Variants in KCNK2 observed in about 807,000 individuals in gnomAD.
The protein encoded by KCNK2 is potassium channel subfamily K member 2.
KCNK2 carries 21 observed loss-of-function variants against 40.5 expected under a neutral mutation model. The ratio of observed to expected loss-of-function variants is 0.52; its 90% CI spans 0.37 to 0.75. KCNK2 has a LOEUF of 0.75. Ranked by LOEUF, KCNK2 falls within the 30% of genes least tolerant of loss-of-function variation. KCNK2 has a pLI of 0.00. For missense variants in KCNK2, 399 were observed against 531.6 expected, an observed-to-expected ratio of 0.75 and a Z score of 2.45; for synonymous variants, 191 against 202.2, an observed-to-expected ratio of 0.94 and a Z score of 0.47.
intron 3 of KCNK2, among the ~76,000 whole-genome samples, chr1:215,150,650 G>A (rs1174088114): frequency 1.3e-5 from 2 of 151,680 alleles, no homozygotes; most frequent in Non-Finnish European, 2.9e-5. Flanking sequence ...ATTTCACTTA[G>A]CACATTTAAG....
intron 1 of KCNK2, 31 bp from the exon 2 acceptor site, chr1:215,086,337 C>T: frequency 6.3e-7 from 1 of 1,582,208 alleles, no homozygotes; most frequent in Non-Finnish European, 8.7e-7. Flanking sequence ...TCATCTCCTC[C>T]AACCTAACCC....
At chr1:215,142,529 G>T (rs1282882903) in intron 3 of KCNK2, among the ~76,000 whole-genome samples, 1 of 152,108 alleles carries the variant, frequency 6.6e-6, no homozygotes, top group African/African-American at 2.4e-5. Context: ...AATTTTAATG[G>T]AGTCTAAAAG....
chr1:215,011,942 T>TA (rs1167869401), intron 1 of KCNK2, among the ~76,000 whole-genome samples: 2 of 152,186 alleles, frequency 1.3e-5, no homozygotes, highest in Non-Finnish European at 2.9e-5. Flanking sequence ...GGAATGCACT[T>TA]ACATTCATCC....
rs1239550703 is a variant in KCNK2, at chr1:215,233,426, T to C, written c.964-1402T>C. On this transcript the variant is annotated intron_variant, in intron 6 of 6. Coordinates refer to ENST00000444842, the MANE Select transcript of KCNK2 (RefSeq NM_001017425.3). The stretch of plus-strand genomic sequence containing the variant: ...CCATCCTCCTATCCACCTTGGATAT[T>C]TGAAGTTTCATTTCTGTTTTTGAGT... Among the ~76,000 whole-genome samples, 3 of 150,656 alleles carry C rather than the reference T, an allele frequency of 2.0e-5. No individual in the cohort carries two copies. The Admixed American group carries it at 2.0e-4, about 10-fold the overall frequency.
chr1:215,146,627 T>C (rs991487965), intron 3 of KCNK2, among the ~76,000 whole-genome samples: 1 of 152,208 alleles, frequency 6.6e-6, no homozygotes, highest in Non-Finnish European at 1.5e-5. Flanking sequence ...CAGTGCATAT[T>C]TGCAGAATGG....
intron 1 of KCNK2, among the ~76,000 whole-genome samples, chr1:215,007,033 A>G (rs1416200114): frequency 0.12 from 6,970 of 59,446 alleles, 502 homozygotes; most frequent in African/African-American, 0.18. Context: ...ATATATATAT[A>G]TATATGTGTG....
intron 3 of KCNK2, among the ~76,000 whole-genome samples, chr1:215,131,112 G>A (rs1361021170): frequency 1.3e-5 from 2 of 150,906 alleles, no homozygotes; most frequent in Admixed American, 6.6e-5. Flanking sequence ...CGCCCGCCTC[G>A]GCCTCCCAAA....
intron 1 of KCNK2, among the ~76,000 whole-genome samples, chr1:215,067,390 A>G (rs974926317): frequency 6.6e-6 from 1 of 152,200 alleles, no homozygotes; most frequent in African/African-American, 2.4e-5. Context: ...CATTGAGAAC[A>G]CAAGTATTAG....
rs1553277248 is a variant in KCNK2, at chr1:215,236,045, A to AATCTATCT, written c.*946_*953dup. ...TACATTTTTAAAGGCAGAAGAAGAA[A>AATCTATCT]ATCTATCTATCTATCTATCTATCTA... On this transcript the variant is annotated 3_prime_UTR_variant, in exon 7 of 7. Transcript: ENST00000444842. 1,714 of 144,374 alleles carry AATCTATCT rather than the reference A, an allele frequency of 0.012. 12 individuals carry two copies. The highest frequency in any genetic ancestry group is 0.025 in the South Asian group (114 of 4,600). The allele number at this position is 144,374 out of a possible 1,614,324, so 8.9% of individuals were successfully genotyped here. A position where few individuals can be genotyped will look rare whatever the true frequency, so the allele number is the denominator to read the frequency against.
chr1:215,024,360 T>A (rs566348993), intron 1 of KCNK2, among the ~76,000 whole-genome samples: 1 of 152,316 alleles, frequency 6.6e-6, no homozygotes, highest in South Asian at 2.1e-4. Flanking sequence ...ATACGGTTAG[T>A]GCACAGTTTT....
chr1:215,010,997 TATA>T (rs1656364199), intron 1 of KCNK2, among the ~76,000 whole-genome samples: 1 of 102,972 alleles, frequency 9.7e-6, no homozygotes, highest in South Asian at 4.9e-4. Context: ...TATACTTATA[TATA>T]ATATTGTATT....
chr1:215,087,743 T>C (rs1034626222), intron 2 of KCNK2, among the ~76,000 whole-genome samples: 2 of 152,220 alleles, frequency 1.3e-5, no homozygotes, highest in African/African-American at 4.8e-5. Context: ...GTTGGAATAG[T>C]GGACTGAGGG....
chr1:215,058,998 GT>G (rs1658261963), intron 1 of KCNK2, among the ~76,000 whole-genome samples: 1 of 151,290 alleles, frequency 6.6e-6, no homozygotes, highest in South Asian at 2.1e-4. Context: ...CTTCTCACTT[GT>G]TTTTCTGTTG....
upstream of KCNK2, among the ~76,000 whole-genome samples, chr1:215,082,690 A>G (rs1476135871): frequency 6.6e-6 from 1 of 151,498 alleles, no homozygotes; most frequent in Non-Finnish European, 1.5e-5. Flanking sequence ...CCTGGCGGTG[A>G]GACAGGAGGG....
rs199497700 is a variant in KCNK2, at chr1:215,006,997, CTATATATATATA to C, written c.34+1072_34+1083del. Among the ~76,000 whole-genome samples the C allele has an allele frequency of 1.2e-3, 100 of 81,688 alleles. 1 individual carries two copies. The highest frequency in any genetic ancestry group is 4.9e-3 in the African/African-American group (76 of 15,358). 53.6% of individuals were successfully genotyped at this position (81,688 alleles called of 152,430 possible). A position where few individuals can be genotyped will look rare whatever the true frequency, so the allele number is the denominator to read the frequency against. ...ATCACTAAGTTTGGGGACCAATTCACTATATATATATATATATATATATATATATATATATAT... is the reference window on the plus strand; with the variant it reads ...ATCACTAAGTTTGGGGACCAATTCACTATATATATATATATATATATATAT... On this transcript the variant is annotated intron_variant, in intron 1 of 6. Coordinates refer to the KCNK2 transcript ENST00000391895.
At chr1:215,042,313 A>G (rs1306886625) in intron 1 of KCNK2, among the ~76,000 whole-genome samples, 1 of 152,186 alleles carries the variant, frequency 6.6e-6, no homozygotes, top group East Asian at 1.9e-4. Flanking sequence ...TGAACAAATC[A>G]TTCCGTTGCA....
chr1:215,178,350 T>G (rs1012407376), intron 5 of KCNK2, among the ~76,000 whole-genome samples: 1 of 152,152 alleles, frequency 6.6e-6, no homozygotes, highest in African/African-American at 2.4e-5. Context: ...TGCTTTTATT[T>G]TTTTCTTTTG....
chr1:215,005,966 T>C lies in KCNK2; in HGVS notation c.34+11T>C. On this transcript the variant is annotated intron_variant, in intron 1 of 6. Transcript: ENST00000391895. ...AAAGGGATTTCTACTGTGAGTATCTTTGCAATAATCAAGTACCTTATTTGT... is the reference window on the plus strand; with the variant it reads ...AAAGGGATTTCTACTGTGAGTATCTCTGCAATAATCAAGTACCTTATTTGT... The C allele has an allele frequency of 1.9e-6, 3 of 1,609,712 alleles. No homozygotes were observed. The East Asian group carries it at 6.7e-5, about 36-fold the overall frequency.
chr1:215,193,447 T>A (rs924835182), intron 5 of KCNK2, among the ~76,000 whole-genome samples: 17 of 130,890 alleles, frequency 1.3e-4, no homozygotes, highest in African/African-American at 3.3e-4. Context: ...TTTTTTTTTT[T>A]AAAGTCACTC....
Sources: allele counts gnomAD v4.1 joint callset (sites outside exome capture counted in the v4.1 genomes callset), GRCh38; gene constraint gnomAD v4.1.1; transcripts MANE v1.5; gene names NCBI Gene and HGNC (gene_info 2026-07-23, HGNC 2026-07-21).